Variants in SLC66A3 observed in about 807,000 individuals in gnomAD.
The protein encoded by SLC66A3 is solute carrier family 66 member 3.
SLC66A3 carries 23 observed loss-of-function variants against 25.5 expected under a neutral mutation model. That is an observed-to-expected ratio of 0.90 (90% CI 0.65 to 1.28). SLC66A3 has a LOEUF of 1.28. SLC66A3 is among the 50% of genes most tolerant of loss of function. The pLI, the probability that SLC66A3 is intolerant of heterozygous loss-of-function variation, is 0.00. For missense variants in SLC66A3, 246 were observed against 262.1 expected (o/e 0.94, Z 0.42); for synonymous variants, 108 against 112.6 (o/e 0.96, Z 0.26).
chr2:11,163,106 T>C (rs748457862), intron 3 of SLC66A3, among the ~76,000 whole-genome samples: 1 of 152,156 alleles, frequency 6.6e-6, no homozygotes, highest in Non-Finnish European at 1.5e-5. Flanking sequence ...ATGAGCCATG[T>C]GTGGTGTCTC....
intron 5 of SLC66A3, among the ~76,000 whole-genome samples, chr2:11,174,306 G>C (rs1203594261): frequency 6.6e-6 from 1 of 152,154 alleles, no homozygotes; most frequent in Non-Finnish European, 1.5e-5. Flanking sequence ...AAACTACCCA[G>C]ATGCTCAATT....
At position 11,178,029 on chromosome 2, in the gene SLC66A3, G is replaced by A. The variant is rs545934458; in HGVS notation, c.*201G>A. On this transcript the variant is annotated 3_prime_UTR_variant, in exon 7 of 7. Coordinates refer to ENST00000295083, the MANE Select transcript of SLC66A3 (RefSeq NM_152391.5). ...AATTTGCCTCCTCCTTCCTCACTTCGTTAGGTTATGGTAGTGCTCAGACAT... is the reference window on the plus strand; with the variant it reads ...AATTTGCCTCCTCCTTCCTCACTTCATTAGGTTATGGTAGTGCTCAGACAT... 13 of 540,440 alleles carry A rather than the reference G, an allele frequency of 2.4e-5. No individual in the cohort carries two copies. The highest frequency in any genetic ancestry group is 1.0e-4 in the Admixed American group (3 of 30,080). 33.5% of individuals were successfully genotyped at this position (540,440 alleles called of 1,614,324 possible).
intron 4 of SLC66A3, among the ~76,000 whole-genome samples, chr2:11,169,032 AT>A (rs1662453757): frequency 6.6e-6 from 1 of 151,620 alleles, no homozygotes; most frequent in Admixed American, 6.6e-5. Flanking sequence ...TAATTTTTAT[AT>A]TTTTTGTAGA....
At chr2:11,160,857 G>A in intron 3 of SLC66A3, 163 bp downstream of exon 3, 4 of 1,165,424 alleles carry the variant, frequency 3.4e-6, no homozygotes, top group Non-Finnish European at 4.7e-6. Flanking sequence ...CACCAGAGAT[G>A]CCCTCAGTAC....
At chr2:11,176,123 A>T (rs998849037) in intron 6 of SLC66A3, among the ~76,000 whole-genome samples, 1 of 152,204 alleles carries the variant, frequency 6.6e-6, no homozygotes, top group Admixed American at 6.5e-5. Flanking sequence ...TATACATTAG[A>T]AATTAAAAGA....
chr2:11,156,857 G>GCCA (rs1661922664), intron 1 of SLC66A3, among the ~76,000 whole-genome samples: 1 of 152,270 alleles, frequency 6.6e-6, no homozygotes, highest in South Asian at 2.1e-4. Flanking sequence ...TCAGGTTGGT[G>GCCA]CCACCACCAG....
intron 6 of SLC66A3, among the ~76,000 whole-genome samples, chr2:11,175,668 G>GT (rs1326250593): frequency 6.6e-6 from 1 of 152,014 alleles, no homozygotes; most frequent in Non-Finnish European, 1.5e-5. Flanking sequence ...AATGGACTAT[G>GT]TTTTTGTTCT....
At chr2:11,174,578 C>A (rs776117831) in intron 5 of SLC66A3, among the ~76,000 whole-genome samples, 4 of 152,074 alleles carry the variant, frequency 2.6e-5, no homozygotes, top group Non-Finnish European at 5.9e-5. Context: ...CTCACTGCAA[C>A]CTTTGCCTCC....
intron 3 of SLC66A3, among the ~76,000 whole-genome samples, chr2:11,163,160 ACC>A (rs1042791666): frequency 1.2e-4 from 18 of 152,260 alleles, no homozygotes; most frequent in African/African-American, 4.3e-4. Flanking sequence ...CTTGTTTTCG[ACC>A]TGAAATTAAA....
intron 4 of SLC66A3, 84 bp downstream of exon 4, chr2:11,164,345 A>ATATATATATATTTTTTTTTTTTTTTTT: frequency 0.015 from 1,424 of 92,018 alleles, 44 homozygotes; most frequent in East Asian, 0.028. Context: ...ATATATATAT[A>ATATATATATATTTTTTTTTTTTTTTTT]TTTTTTTTTT....
In SLC66A3 at chr2:11,177,678, A is replaced by T. The variant is rs1040348642; in HGVS notation, c.518-59A>T. 3 of 1,005,424 alleles carry T rather than the reference A, an allele frequency of 3.0e-6. No homozygotes were observed. The South Asian group carries it at 4.0e-5, about 14-fold the overall frequency. 62.3% of individuals were successfully genotyped at this position (1,005,424 alleles called of 1,614,324 possible). On this transcript the variant is annotated intron_variant, in intron 6 of 6. Coordinates refer to ENST00000295083, the MANE Select transcript of SLC66A3 (RefSeq NM_152391.5). The stretch of plus-strand genomic sequence containing the variant: ...TATTTAGGCTTATACTTTGAGCAGG[A>T]GGTGGTTTTGGTCTGTATTGTAAAG...
intron 3 of SLC66A3, 118 bp downstream of exon 3, chr2:11,160,812 A>G (rs77424177): frequency 1.6e-5 from 24 of 1,465,778 alleles, no homozygotes; most frequent in Non-Finnish European, 1.8e-6. Flanking sequence ...AAAAAAAAAA[A>G]AAAAAAAAAT....
intron 3 of SLC66A3, among the ~76,000 whole-genome samples, chr2:11,161,056 C>G (rs150149114): frequency 5.9e-5 from 9 of 152,144 alleles, no homozygotes. Context: ...GAGTATCCGG[C>G]GCCTCTCAAG....
Position 11,175,009 on chromosome 2 carries a change from A to G in SLC66A3, c.517A>G (p.Ile173Val). 6.2e-7 allele frequency: 1 copy of G among 1,604,078 alleles called. No individual in the cohort carries two copies. The highest frequency in any genetic ancestry group is 8.5e-7 in the Non-Finnish European group (1 of 1,174,980). Residue 173 changes from isoleucine to valine, a missense_variant and splice_region_variant, in exon 6 of 7, where the codon ATT (isoleucine) becomes GTT (valine). Around this residue, in one of 3 missense-constraint regions of SLC66A3, gnomAD observed 93 missense variants for 102.6 expected, o/e 0.91. Coordinates refer to ENST00000295083, the MANE Select transcript of SLC66A3 (RefSeq NM_152391.5). Reference sequence around the variant, plus strand: ...CTTAATGACCACCAATGATTTTACAAGTAAGCAAAATATCTTCTCACTTCC... The same window carrying G: ...CTTAATGACCACCAATGATTTTACAGGTAAGCAAAATATCTTCTCACTTCC... ...TTLMTTNDFT[I>V]LLRFVIMLAL...
intron 6 of SLC66A3, 92 bp from the exon 7 acceptor site, chr2:11,177,645 T>C: frequency 1.4e-6 from 1 of 716,694 alleles, no homozygotes; most frequent in Non-Finnish European, 2.3e-6. Flanking sequence ...AGGTTGGGGG[T>C]GAAGCTTTAT....
chr2:11,159,246 C>T (rs537104846), intron 1 of SLC66A3, among the ~76,000 whole-genome samples: 1 of 152,196 alleles, frequency 6.6e-6, no homozygotes, highest in Admixed American at 6.5e-5. Context: ...CAGCCTCCCC[C>T]TCTGCCAGCC....
intron 4 of SLC66A3, among the ~76,000 whole-genome samples, chr2:11,165,341 G>A (rs1004593167): frequency 4.0e-5 from 6 of 150,242 alleles, no homozygotes; most frequent in Non-Finnish European, 5.9e-5. Flanking sequence ...CATCTCAGAC[G>A]ATGGGCGACC....
At chr2:11,163,527 GT>G (rs1662197136) in intron 3 of SLC66A3, among the ~76,000 whole-genome samples, 1 of 152,204 alleles carries the variant, frequency 6.6e-6, no homozygotes, top group African/African-American at 2.4e-5. Context: ...AGTCTCTTGA[GT>G]CGGTGCTACG....
chr2:11,168,086 C>T (rs1210842656), intron 4 of SLC66A3, among the ~76,000 whole-genome samples: 2 of 152,124 alleles, frequency 1.3e-5, no homozygotes, highest in Non-Finnish European at 2.9e-5. Flanking sequence ...CAAGACCATC[C>T]TGGCTAACAC....
Sources: allele counts gnomAD v4.1 joint callset (sites outside exome capture counted in the v4.1 genomes callset), GRCh38; gene constraint gnomAD v4.1.1; regional missense constraint gnomAD v4.1.1; transcripts MANE v1.5; gene names NCBI Gene and HGNC (gene_info 2026-07-23, HGNC 2026-07-21).